FMN1: variants seen among roughly 807,000 people sequenced by gnomAD.
FMN1 encodes formin 1, also known as formin-1.
Under a neutral mutation model 132.4 loss-of-function variants are expected in FMN1, and 110 were observed. The observed-to-expected ratio is 0.83, with a 90% confidence interval of 0.71 to 0.97. The LOEUF (loss-of-function observed/expected upper bound fraction) is 0.97, where lower values mean the gene tolerates loss of function less well. Ranked by LOEUF, FMN1 falls within the 50% of genes least tolerant of loss-of-function variation. FMN1 has a pLI of 0.00. For missense variants in FMN1, 1,792 were observed against 1,705.3 expected, an observed-to-expected ratio of 1.05 and a Z score of -0.90; for synonymous variants, 722 against 651.7, an observed-to-expected ratio of 1.11 and a Z score of -1.64.
chr15:32,807,030 G>A (rs1373594503), intron 17 of FMN1, among the ~76,000 whole-genome samples: 3 of 152,164 alleles, frequency 2.0e-5, no homozygotes, highest in Non-Finnish European at 4.4e-5. Context: ...GCTTTCTGCT[G>A]TAGCCTTAAT....
At chr15:32,868,009 G>A (rs1175850555) in intron 16 of FMN1, among the ~76,000 whole-genome samples, 1 of 152,182 alleles carries the variant, frequency 6.6e-6, no homozygotes, top group East Asian at 1.9e-4. Context: ...TAAACTACCA[G>A]TTAAAGGGGA....
At chr15:32,915,778 A>G (rs2140298346) in intron 10 of FMN1, among the ~76,000 whole-genome samples, 1 of 152,284 alleles carries the variant, frequency 6.6e-6, no homozygotes, top group African/African-American at 2.4e-5. Flanking sequence ...AATATCAATC[A>G]CTGCTGGTGG....
chr15:32,813,667 C>T (rs1207144222), intron 17 of FMN1, among the ~76,000 whole-genome samples: 3 of 152,122 alleles, frequency 2.0e-5, no homozygotes, highest in Admixed American at 6.5e-5. Flanking sequence ...ATCTTGGCTT[C>T]GAGTGATACA....
intron 7 of FMN1, among the ~76,000 whole-genome samples, chr15:32,988,969 ACAGT>A (rs1279506224): frequency 2.0e-5 from 3 of 152,212 alleles, no homozygotes; most frequent in African/African-American, 7.2e-5. Flanking sequence ...CACATTTAAG[ACAGT>A]CAGAAACAGT....
At chr15:32,997,102 C>A (rs1259379316) in intron 7 of FMN1, among the ~76,000 whole-genome samples, 1 of 152,160 alleles carries the variant, frequency 6.6e-6, no homozygotes, top group East Asian at 1.9e-4. Flanking sequence ...AAGATAAATA[C>A]AGGCAAACAT....
At chr15:33,132,396 G>T (rs1009543831) in intron 4 of FMN1, among the ~76,000 whole-genome samples, 1 of 152,090 alleles carries the variant, frequency 6.6e-6, no homozygotes, top group African/African-American at 2.4e-5. Flanking sequence ...AACTCAGCAC[G>T]TAGGCTTCAG....
At chr15:33,128,728 C>G (rs1164072508) in intron 4 of FMN1, among the ~76,000 whole-genome samples, 1 of 152,192 alleles carries the variant, frequency 6.6e-6, no homozygotes, top group African/African-American at 2.4e-5. Context: ...TGTGACAGCT[C>G]TTAAAGGTGA....
chr15:32,904,428 C>A (rs953723515), intron 12 of FMN1, among the ~76,000 whole-genome samples: 1 of 152,088 alleles, frequency 6.6e-6, no homozygotes, highest in Non-Finnish European at 1.5e-5. Context: ...ACAGTTTCTG[C>A]TTTTTGTTGT....
At chr15:32,794,974 T>C (rs1240423051) in intron 19 of FMN1, among the ~76,000 whole-genome samples, 5 of 152,154 alleles carry the variant, frequency 3.3e-5, no homozygotes, top group South Asian at 2.1e-4. Context: ...GGCAGGAGGA[T>C]TGTTTGAGCC....
In FMN1 at chr15:33,153,791, C is replaced by G; in HGVS notation, c.1124G>C (p.Gly375Ala). ...VPKADLLTLP[G>A]AEAGAHGSRR... ...GGAGCCATGAGCCCCAGCCTCAGCT[C>G]CCGGGAGGGTGAGCAAGTCGGCTTT... Residue 375 changes from glycine to alanine, a missense_variant, in exon 4 of 21, where the codon GGA (glycine) becomes GCA (alanine). Physicochemically the swap from Gly to Ala is moderately conservative, Grantham distance 60 (BLOSUM62 0). Around this residue, in one of 3 missense-constraint regions of FMN1, gnomAD observed 638 missense variants for 645.2 expected, o/e 0.99. Transcript: ENST00000616417. The G allele has an allele frequency of 6.5e-7, 1 of 1,536,350 alleles. No individual in the cohort carries two copies. The highest frequency in any genetic ancestry group is 8.7e-7 in the Non-Finnish European group (1 of 1,146,970).
rs1566956442 is a variant in FMN1, at chr15:33,154,285, G to T, written c.630C>A (p.Asn210Lys). The T allele has an allele frequency of 2.0e-6, 3 of 1,536,150 alleles. No homozygotes were observed. Among genetic ancestry groups the T allele is most frequent in the East Asian group, 2.4e-5 (1 of 40,914 alleles). ...HSLPLSRTRP[N>K]LWVLEEKGNL... ...TTCCTTTCTCCTCTAGTACCCAAAG[G>T]TTAGGCCTTGTTCTAGAAAGAGGAA... The change falls in exon 4 of 21, where the codon AAC (asparagine) becomes AAA (lysine). Residue 210 changes from asparagine (N) to lysine (K), a missense_variant. Physicochemically the swap from Asn to Lys is moderately conservative, Grantham distance 94. This residue lies in a region of FMN1 where 638 missense variants were observed against 645.2 expected (regional missense o/e 0.99). Transcript: ENST00000616417.
At chr15:32,820,991 ACT>A (rs2058198370) in intron 17 of FMN1, among the ~76,000 whole-genome samples, 1 of 151,808 alleles carries the variant, frequency 6.6e-6, no homozygotes, top group African/African-American at 2.4e-5. Flanking sequence ...GTATTTTAAT[ACT>A]GTCTATATTT....
intron 9 of FMN1, among the ~76,000 whole-genome samples, chr15:32,933,233 C>A (rs925214411): frequency 6.6e-6 from 1 of 152,000 alleles, no homozygotes; most frequent in Non-Finnish European, 1.5e-5. Context: ...CTTCTTTGAC[C>A]CACTGGTTGT....
intron 2 of FMN1, among the ~76,000 whole-genome samples, chr15:33,182,421 C>T (rs1017663370): frequency 6.6e-6 from 1 of 152,194 alleles, no homozygotes; most frequent in Non-Finnish European, 1.5e-5. Context: ...CTGGAATGGC[C>T]CCTGGCCTCC....
At chr15:33,099,697 C>T (rs345787) in intron 4 of FMN1, among the ~76,000 whole-genome samples, 105,202 of 152,102 alleles carry the variant, frequency 0.69, 36,617 homozygotes, top group East Asian at 0.84. Context: ...GGTAGGGATA[C>T]CATATCTGAA....
At position 33,058,580 on chromosome 15, in the gene FMN1, T is replaced by A. The variant is rs572655816; in HGVS notation, c.2161+6377A>T. Among the ~76,000 whole-genome samples, 25 of 152,328 alleles carry A rather than the reference T, an allele frequency of 1.6e-4. 1 individual carries two copies. The South Asian group carries it at 5.0e-3, about 30-fold the overall frequency. On this transcript the variant is annotated intron_variant, in intron 6 of 20. Coordinates refer to ENST00000616417, the MANE Select transcript of FMN1 (RefSeq NM_001277313.2). ...TTTGCTTGAAATTGCTTATGCTTCA[T>A]AGCGTAAAAAATACCATTCACTCCC...
chr15:32,833,961 G>A (rs1469123576), intron 17 of FMN1, among the ~76,000 whole-genome samples: 4 of 152,142 alleles, frequency 2.6e-5, no homozygotes, highest in African/African-American at 9.7e-5. Context: ...TCACACTGCA[G>A]CAGGATTTTG....
intron 4 of FMN1, among the ~76,000 whole-genome samples, chr15:33,116,573 G>GA (rs1220490497): frequency 6.6e-6 from 1 of 151,898 alleles, no homozygotes; most frequent in African/African-American, 2.4e-5. Context: ...TTAGTTTGTC[G>GA]AAAGTTTTTT....
At chr15:32,916,848 C>T (rs1171549545) in intron 10 of FMN1, among the ~76,000 whole-genome samples, 1 of 152,042 alleles carries the variant, frequency 6.6e-6, no homozygotes, top group South Asian at 2.1e-4. Flanking sequence ...TGGTATTTTT[C>T]AGAACTCGAC....
Sources: allele counts gnomAD v4.1 joint callset (sites outside exome capture counted in the v4.1 genomes callset), GRCh38; gene constraint gnomAD v4.1.1; regional missense constraint gnomAD v4.1.1; transcripts MANE v1.5; gene names NCBI Gene and HGNC (gene_info 2026-07-23, HGNC 2026-07-21).